ENTPD1: variants seen among roughly 807,000 people sequenced by gnomAD.
ENTPD1 encodes ectonucleoside triphosphate diphosphohydrolase 1, also known as ATP diphosphohydrolase.
Under a neutral mutation model 57.0 loss-of-function variants are expected in ENTPD1, and 33 were observed. That is an observed-to-expected ratio of 0.58 (90% CI 0.44 to 0.77). The LOEUF is 0.77. ENTPD1 is among the 30% of genes least tolerant of loss of function. ENTPD1 has a pLI of 0.00. For missense variants in ENTPD1, 501 were observed against 603.4 expected, an observed-to-expected ratio of 0.83 and a Z score of 1.78; for synonymous variants, 202 against 218.8, an observed-to-expected ratio of 0.92 and a Z score of 0.68.
intron 1 of ENTPD1, among the ~76,000 whole-genome samples, chr10:95,735,627 G>A (rs1358984230): frequency 6.6e-6 from 1 of 151,262 alleles, no homozygotes; most frequent in Non-Finnish European, 1.5e-5. Flanking sequence ...ATGGAGTCTC[G>A]CCCTGTTGCC....
chr10:95,766,867 T>C (rs886982585), intron 1 of ENTPD1, among the ~76,000 whole-genome samples: 1 of 152,026 alleles, frequency 6.6e-6, no homozygotes, highest in South Asian at 2.1e-4. Flanking sequence ...TTACTTTTAA[T>C]TGTACTTGTA....
At chr10:95,723,381 G>A (rs2097979866) in intron 1 of ENTPD1, among the ~76,000 whole-genome samples, 1 of 151,994 alleles carries the variant, frequency 6.6e-6, no homozygotes, top group African/African-American at 2.4e-5. Flanking sequence ...GGCAAGGGTG[G>A]TGGGGAATGG....
intron 1 of ENTPD1, among the ~76,000 whole-genome samples, chr10:95,739,839 G>A (rs1168849120): frequency 6.6e-6 from 1 of 152,190 alleles, no homozygotes; most frequent in East Asian, 1.9e-4. Context: ...CTTATGAAAT[G>A]TATTTCTTAA....
chr10:95,869,074 T>C lies in ENTPD1; in HGVS notation c.*2691T>C, dbSNP rs2098477464. On this transcript the variant is annotated 3_prime_UTR_variant, in exon 10 of 10. Coordinates refer to ENST00000371205, the MANE Select transcript of ENTPD1 (RefSeq NM_001776.6). ...ACTAATTTTAATATTGGATTGGCCA[T>C]TGGTTATCACTGATTACCATTCTCC... 9.1e-6 allele frequency: 9 copies of C among 985,268 alleles called. No individual in the cohort carries two copies. The highest frequency in any genetic ancestry group is 1.1e-4 in the East Asian group (1 of 8,806). The allele number at this position is 985,268 out of a possible 1,614,324, so 61.0% of individuals were successfully genotyped here. A position where few individuals can be genotyped will look rare whatever the true frequency, so the allele number is the denominator to read the frequency against.
chr10:95,821,280 A>G (rs1458904807), intron 1 of ENTPD1, among the ~76,000 whole-genome samples: 1 of 152,342 alleles, frequency 6.6e-6, no homozygotes, highest in African/African-American at 2.4e-5. Context: ...GGGTCAAAGC[A>G]TAAGTTTTAT....
At chr10:95,748,487 T>C (rs1158040086) in intron 1 of ENTPD1, among the ~76,000 whole-genome samples, 2 of 152,240 alleles carry the variant, frequency 1.3e-5, no homozygotes, top group South Asian at 2.1e-4. Context: ...AGTTATAATG[T>C]CATCCCTAAT....
rs371715493 is a variant in ENTPD1 at position 95,860,540 on chromosome 10, G to T, written c.1146G>T (p.Val382=). 8 of 1,613,796 alleles carry T rather than the reference G, an allele frequency of 5.0e-6. No individual in the cohort carries two copies. The highest frequency in any genetic ancestry group is 1.1e-5 in the South Asian group (1 of 91,020). ...LTSEKVSQEK[V]TEMMKKFCAQ... Reference sequence around the variant, plus strand: ...CAGAGAAAGTCTCTCAGGAAAAGGTGACTGAGATGATGAAAAAGTTCTGTG... The same window carrying T: ...CAGAGAAAGTCTCTCAGGAAAAGGTTACTGAGATGATGAAAAAGTTCTGTG... The change falls in exon 8 of 10, where the codon GTG becomes GTT. Residue 382 remains valine (V), a synonymous_variant. Transcript: ENST00000371205.
Position 95,866,916 on chromosome 10 carries a change from A to C in ENTPD1, c.*533A>C, listed in dbSNP as rs563336602. On this transcript the variant is annotated 3_prime_UTR_variant, in exon 10 of 10. Transcript: ENST00000371205. Reference sequence around the variant, plus strand: ...GTAGGAGAATTTTCTACAGTAGGCAAATATGTGCTAAAGCCAAAGAGTTTT... The same window carrying C: ...GTAGGAGAATTTTCTACAGTAGGCACATATGTGCTAAAGCCAAAGAGTTTT... 1.7e-5 allele frequency: 17 copies of C among 1,019,264 alleles called. No homozygotes were observed. Among genetic ancestry groups the C allele is most frequent in the Non-Finnish European group, 2.0e-5 (17 of 849,556 alleles). 63.1% of individuals were successfully genotyped at this position (1,019,264 alleles called of 1,614,324 possible).
chr10:95,741,891 C>A (rs1295842176), intron 1 of ENTPD1, among the ~76,000 whole-genome samples: 2 of 152,080 alleles, frequency 1.3e-5, no homozygotes, highest in Non-Finnish European at 2.9e-5. Context: ...ACTTTGCTGC[C>A]CCCAGAGGAT....
At chr10:95,711,420 T>A (rs1231260640), upstream of ENTPD1, among the ~76,000 whole-genome samples, 1 of 152,232 alleles carries the variant, frequency 6.6e-6, no homozygotes, top group East Asian at 1.9e-4. Flanking sequence ...TTTATCCTGT[T>A]ATATTTCTAC....
At chr10:95,820,835 A>G (rs891599960) in intron 1 of ENTPD1, among the ~76,000 whole-genome samples, 1 of 152,244 alleles carries the variant, frequency 6.6e-6, no homozygotes, top group African/African-American at 2.4e-5. Context: ...TGTAAATTCC[A>G]AAGAGCAGGG....
Position 95,871,565 on chromosome 10 carries a change from T to C in ENTPD1, c.*5182T>C. 1.0e-6 allele frequency: 1 copy of C among 985,474 alleles called. No individual in the cohort carries two copies. The highest frequency in any genetic ancestry group is 1.2e-6 in the Non-Finnish European group (1 of 829,938). 61.0% of individuals were successfully genotyped at this position (985,474 alleles called of 1,614,324 possible). A position where few individuals can be genotyped will look rare whatever the true frequency, so the allele number is the denominator to read the frequency against. On this transcript the variant is annotated 3_prime_UTR_variant, in exon 10 of 10. Coordinates refer to ENST00000371205, the MANE Select transcript of ENTPD1 (RefSeq NM_001776.6). ...ACAATCAGTTTTATCACAGGTATAA[T>C]GGATTTTTCAATAGTGAGGAGGTGC...
intron 1 of ENTPD1, among the ~76,000 whole-genome samples, chr10:95,801,355 C>T (rs535605084): frequency 8.6e-5 from 13 of 152,010 alleles, no homozygotes; most frequent in Admixed American, 8.5e-4. Context: ...GTCTTTAATC[C>T]ATCCTGAGTT....
At chr10:95,860,738 C>G (rs767182231) in intron 8 of ENTPD1, among the ~76,000 whole-genome samples, 156 bp downstream of exon 8, 7 of 152,240 alleles carry the variant, frequency 4.6e-5, no homozygotes, top group Non-Finnish European at 8.8e-5. Context: ...ATGAATTTAT[C>G]AGCATTCCTT....
chr10:95,845,698 G>T, intron 6 of ENTPD1, 102 bp downstream of exon 6: 1 of 1,604,634 alleles, frequency 6.2e-7, no homozygotes, highest in Non-Finnish European at 8.5e-7. Flanking sequence ...TCTGAACTTG[G>T]TTATTGTACT....
At chr10:95,803,882 A>G (rs2098261225) in intron 1 of ENTPD1, among the ~76,000 whole-genome samples, 1 of 152,168 alleles carries the variant, frequency 6.6e-6, no homozygotes, top group Non-Finnish European at 1.5e-5. Context: ...TTTTTGTATA[A>G]GGTGTAAGGA....
chr10:95,809,753 TG>T (rs2098294041), intron 1 of ENTPD1, among the ~76,000 whole-genome samples: 1 of 77,748 alleles, frequency 1.3e-5, no homozygotes, highest in Non-Finnish European at 2.6e-5. Context: ...ACCTCCCAGA[TG>T]GGGCGGCTGG....
intron 1 of ENTPD1, among the ~76,000 whole-genome samples, chr10:95,715,480 T>G (rs959962133): frequency 1.4e-5 from 2 of 144,256 alleles, no homozygotes; most frequent in Non-Finnish European, 3.0e-5. Flanking sequence ...TAGATCTTGT[T>G]TTTTTTTTTA....
At chr10:95,819,277 C>T (rs953057430) in intron 1 of ENTPD1, among the ~76,000 whole-genome samples, 4 of 152,150 alleles carry the variant, frequency 2.6e-5, no homozygotes, top group African/African-American at 9.7e-5. Flanking sequence ...GATCCTCTCA[C>T]CTCAGCCTCC....
Sources: allele counts gnomAD v4.1 joint callset (sites outside exome capture counted in the v4.1 genomes callset), GRCh38; gene constraint gnomAD v4.1.1; transcripts MANE v1.5; gene names NCBI Gene and HGNC (gene_info 2026-07-23, HGNC 2026-07-21).